The following GPM6A variants were observed in gnomAD, a reference collection of about 807,000 sequenced individuals.
GPM6A encodes the protein glycoprotein M6A.
In GPM6A, 7 loss-of-function variants were observed where a neutral mutation model predicts 32.1. The ratio of observed to expected loss-of-function variants is 0.22; its 90% CI spans 0.12 to 0.41. GPM6A has a LOEUF of 0.41. Ranked by LOEUF, GPM6A falls within the 10% of genes least tolerant of loss-of-function variation. The pLI, the probability that GPM6A is intolerant of heterozygous loss-of-function variation, is 1.00. For synonymous variants in GPM6A, 130 were observed against 123.4 expected, an observed-to-expected ratio of 1.05 and a Z score of -0.35; for missense variants, 235 against 347.2, an observed-to-expected ratio of 0.68 and a Z score of 2.57.
chr4:175,719,259 C>T (rs1000006976), intron 1 of GPM6A, among the ~76,000 whole-genome samples: 1 of 150,830 alleles, frequency 6.6e-6, no homozygotes, highest in Middle Eastern at 3.4e-3. Flanking sequence ...AGTGCAGTGG[C>T]GCAATCTCAG....
chr4:175,681,788 A>G (rs1743702414), intron 2 of GPM6A, among the ~76,000 whole-genome samples: 1 of 152,182 alleles, frequency 6.6e-6, no homozygotes, highest in African/African-American at 2.4e-5. Flanking sequence ...AACCTGCAGA[A>G]CCATGAGCCA....
At chr4:175,994,089 C>G (rs915604691) in intron 1 of GPM6A, among the ~76,000 whole-genome samples, 6 of 152,148 alleles carry the variant, frequency 3.9e-5, no homozygotes, top group African/African-American at 1.4e-4. Flanking sequence ...TAGGTGAAGA[C>G]AGCTGACAGG....
At position 175,900,667 on chromosome 4, in the gene GPM6A, T is replaced by C. The variant is rs139935806; in HGVS notation, c.-22-88418A>G. On this transcript the variant is annotated intron_variant, in intron 1 of 7. Coordinates refer to the GPM6A transcript ENST00000280187. The stretch of plus-strand genomic sequence containing the variant: ...GAGAAAAGGGAGCCCTTGTACACTG[T>C]TGGTGGGAATATACACTAGTACAAC... Among the ~76,000 whole-genome samples the C allele has an allele frequency of 9.8e-3, 1,487 of 152,278 alleles. 28 individuals carry two copies. The highest frequency in any genetic ancestry group is 0.034 in the African/African-American group (1,393 of 41,568).
At chr4:175,888,444 C>T (rs111606989) in intron 1 of GPM6A, among the ~76,000 whole-genome samples, 3 of 151,956 alleles carry the variant, frequency 2.0e-5, no homozygotes, top group African/African-American at 7.2e-5. Context: ...ATTAAATATA[C>T]AAGAACTAGA....
chr4:175,953,451 G>A (rs1401097358), intron 1 of GPM6A, among the ~76,000 whole-genome samples: 4 of 152,152 alleles, frequency 2.6e-5, no homozygotes, highest in African/African-American at 9.7e-5. Flanking sequence ...CACAAAAAGA[G>A]TAGCCAATTG....
intron 1 of GPM6A, among the ~76,000 whole-genome samples, chr4:175,793,656 G>A (rs1734101403): frequency 6.6e-6 from 1 of 152,086 alleles, no homozygotes; most frequent in Admixed American, 6.6e-5. Flanking sequence ...GATTACAAGT[G>A]TGAACCACTG....
intron 1 of GPM6A, among the ~76,000 whole-genome samples, chr4:175,801,870 G>A (rs767693841): frequency 2.0e-5 from 3 of 152,000 alleles, no homozygotes; most frequent in Non-Finnish European, 4.4e-5. Flanking sequence ...CAGAAACAAT[G>A]GGCAAAAATA....
intron 1 of GPM6A, among the ~76,000 whole-genome samples, chr4:175,758,023 A>G (rs1350126245): frequency 6.6e-6 from 1 of 152,172 alleles, no homozygotes; most frequent in Admixed American, 6.5e-5. Flanking sequence ...ATGGAGAAGT[A>G]AGTGCCATCA....
intron 1 of GPM6A, among the ~76,000 whole-genome samples, chr4:175,807,144 A>C (rs531937228): frequency 6.6e-6 from 1 of 152,296 alleles, no homozygotes; most frequent in East Asian, 1.9e-4. Context: ...TGTCTCTTTA[A>C]TTTCTTTGCA....
At chr4:175,909,938 T>C (rs550537581) in intron 1 of GPM6A, among the ~76,000 whole-genome samples, 1 of 152,268 alleles carries the variant, frequency 6.6e-6, no homozygotes, top group African/African-American at 2.4e-5. Context: ...TCATGGAGTA[T>C]AATAAAAAGC....
At chr4:175,907,596 A>T (rs989719633) in intron 1 of GPM6A, among the ~76,000 whole-genome samples, 1 of 152,054 alleles carries the variant, frequency 6.6e-6, no homozygotes, top group Non-Finnish European at 1.5e-5. Context: ...CAGGAAAGTC[A>T]CTCTCACCTT....
At chr4:175,716,695 A>G (rs1745860231) in intron 1 of GPM6A, among the ~76,000 whole-genome samples, 1 of 152,212 alleles carries the variant, frequency 6.6e-6, no homozygotes, top group African/African-American at 2.4e-5. Context: ...GACCTTCAGA[A>G]CTATTAAATT....
chr4:175,702,301 A>G (rs1331899861), intron 1 of GPM6A, among the ~76,000 whole-genome samples: 1 of 152,168 alleles, frequency 6.6e-6, no homozygotes, highest in East Asian at 1.9e-4. Flanking sequence ...ACCGCCTAAA[A>G]TATTTATGTT....
At chr4:175,653,197 G>A (rs538913119) in intron 3 of GPM6A, among the ~76,000 whole-genome samples, 8 of 152,140 alleles carry the variant, frequency 5.3e-5, no homozygotes, top group South Asian at 2.1e-4. Context: ...ACTTATGCAC[G>A]TATATTAAAG....
intron 1 of GPM6A, among the ~76,000 whole-genome samples, chr4:175,719,283 C>T (rs1745997765): frequency 6.6e-6 from 1 of 151,658 alleles, no homozygotes; most frequent in Non-Finnish European, 1.5e-5. Context: ...ACTGCAACCT[C>T]TGCCTCCTGG....
intron 1 of GPM6A, among the ~76,000 whole-genome samples, chr4:175,725,499 C>T (rs1269425352): frequency 1.3e-5 from 2 of 151,924 alleles, no homozygotes; most frequent in African/African-American, 4.8e-5. Flanking sequence ...CACAATATTG[C>T]CCAGCCTGGT....
chr4:175,721,540 C>T (rs1342270793), intron 1 of GPM6A, among the ~76,000 whole-genome samples: 1 of 151,802 alleles, frequency 6.6e-6, no homozygotes, highest in Non-Finnish European at 1.5e-5. Context: ...GGGCGAAGGA[C>T]TGGTTTTATT....
At chr4:175,651,406 C>T (rs938832882) in intron 4 of GPM6A, among the ~76,000 whole-genome samples, 4 of 151,744 alleles carry the variant, frequency 2.6e-5, no homozygotes, top group African/African-American at 9.7e-5. Context: ...AATTAAGATG[C>T]TGCCCTCCCA....
intron 1 of GPM6A, among the ~76,000 whole-genome samples, chr4:175,722,469 G>A (rs1396800616): frequency 6.6e-6 from 1 of 152,162 alleles, no homozygotes; most frequent in Non-Finnish European, 1.5e-5. Flanking sequence ...AGCTCCCGCA[G>A]TAAGATCCAT....
Sources: gnomAD v4.1 joint callset for allele counts (sites outside exome capture counted in the v4.1 genomes callset) on GRCh38, gnomAD v4.1.1 for gene constraint, MANE v1.5 for transcripts, NCBI Gene and HGNC (gene_info 2026-07-23, HGNC 2026-07-21) for gene names.